NLK: variants seen among roughly 807,000 people sequenced by gnomAD.
The protein encoded by NLK is serine/threonine-protein kinase NLK.
NLK carries 11 observed loss-of-function variants against 59.0 expected under a neutral mutation model. The ratio of observed to expected loss-of-function variants is 0.19; its 90% CI spans 0.12 to 0.31. The LOEUF (loss-of-function observed/expected upper bound fraction) is 0.31. Among genes scored for constraint, NLK ranks in the 10% least tolerant of loss-of-function variants. The pLI, the probability that NLK is intolerant of heterozygous loss-of-function variation, is 1.00. For synonymous variants in NLK, 235 were observed against 235.9 expected, an observed-to-expected ratio of 1.00 and a Z score of 0.03; for missense variants, 410 against 661.1, an observed-to-expected ratio of 0.62 and a Z score of 4.16.
At chr17:28,149,712 T>G (rs1209358416) in intron 3 of NLK, among the ~76,000 whole-genome samples, 2 of 152,216 alleles carry the variant, frequency 1.3e-5, no homozygotes, top group African/African-American at 4.8e-5. Context: ...TGTTGTAATC[T>G]TTGAGTGAAT....
At chr17:28,117,897 T>G (rs1006357261) in intron 1 of NLK, among the ~76,000 whole-genome samples, 1 of 152,174 alleles carries the variant, frequency 6.6e-6, no homozygotes, top group African/African-American at 2.4e-5. Context: ...TCTTCTAAAT[T>G]GTATACAACT....
intron 1 of NLK, among the ~76,000 whole-genome samples, chr17:28,105,403 A>G (rs114575763): frequency 0.01 from 1,588 of 152,266 alleles, 31 homozygotes; most frequent in African/African-American, 0.037. Context: ...CTTAGTTTGT[A>G]TACCAGTTTT....
At chr17:28,165,939 G>A (rs568491286) in intron 5 of NLK, among the ~76,000 whole-genome samples, 4 of 152,300 alleles carry the variant, frequency 2.6e-5, no homozygotes, top group African/African-American at 7.2e-5. Flanking sequence ...TATTTTGGCC[G>A]GGCGCAGTGG....
At position 28,149,300 on chromosome 17, in the gene NLK, G is replaced by A. The variant is rs915024179; in HGVS notation, c.645-11860G>A. On this transcript the variant is annotated intron_variant, in intron 3 of 10. Coordinates refer to ENST00000407008, the MANE Select transcript of NLK (RefSeq NM_016231.5). Reference sequence around the variant, plus strand: ...GCTGGTCTTGAACTTCTGGCCGTAAGCAATCTTCCTGCCTCGGCCTCCCAA... The same window carrying A: ...GCTGGTCTTGAACTTCTGGCCGTAAACAATCTTCCTGCCTCGGCCTCCCAA... Among the ~76,000 whole-genome samples the A allele has an allele frequency of 8.5e-5, 13 of 152,300 alleles. No homozygotes were observed. The South Asian group carries it at 1.5e-3, about 17-fold the overall frequency.
At chr17:28,205,776 T>A in the NLK span, among the ~76,000 whole-genome samples, 3 of 152,182 alleles carry the variant, frequency 2.0e-5, no homozygotes, top group Non-Finnish European at 4.4e-5. Flanking sequence ...TCATGCAGTG[T>A]TTTTCTCTCT....
At chr17:28,181,523 C>T (rs905190863) in intron 7 of NLK, among the ~76,000 whole-genome samples, 1 of 150,320 alleles carries the variant, frequency 6.7e-6, no homozygotes, top group African/African-American at 2.5e-5. Flanking sequence ...GAGCTGTGAT[C>T]GTGCCACTAC....
intron 1 of NLK, among the ~76,000 whole-genome samples, chr17:28,082,252 C>G (rs563294587): frequency 5.2e-4 from 79 of 152,296 alleles, no homozygotes; most frequent in Admixed American, 1.9e-3. Flanking sequence ...AATGTTCCAT[C>G]TGCAACTTAT....
chr17:28,105,045 G>A (rs1200802694), intron 1 of NLK, among the ~76,000 whole-genome samples: 1 of 152,138 alleles, frequency 6.6e-6, no homozygotes. Context: ...CATTATTTAG[G>A]TGGTTTTCTG....
At position 28,042,764 on chromosome 17, in the gene NLK, CAT is replaced by C; in HGVS notation, c.-108_-107del. 1.0e-6 allele frequency: 1 copy of C among 990,768 alleles called. No individual in the cohort carries two copies. The highest frequency in any genetic ancestry group is 2.9e-5 in the Admixed American group (1 of 34,216). The allele number at this position is 990,768 out of a possible 1,614,324, so 61.4% of individuals were successfully genotyped here. ...ACTTGTTTGGATTGACTGATGAAGACATAAAGCTCTATGTTTTTTGAGGTGGA... is the reference window on the plus strand; with the variant it reads ...ACTTGTTTGGATTGACTGATGAAGACAAAGCTCTATGTTTTTTGAGGTGGA... On this transcript the variant is annotated 5_prime_UTR_variant, in exon 1 of 11. It removes the in-frame stop codon of an upstream open reading frame in the 5' UTR. Coordinates refer to ENST00000407008, the MANE Select transcript of NLK (RefSeq NM_016231.5).
intron 1 of NLK, among the ~76,000 whole-genome samples, chr17:28,121,334 T>C (rs190553722): frequency 1.1e-3 from 171 of 149,280 alleles, no homozygotes; most frequent in Non-Finnish European, 1.7e-3. Context: ...CTAAATAAAT[T>C]GGACAGGAAT....
intron 1 of NLK, among the ~76,000 whole-genome samples, chr17:28,121,500 T>TC (rs1409854681): frequency 8.5e-6 from 1 of 118,230 alleles, no homozygotes; most frequent in Non-Finnish European, 1.7e-5. Flanking sequence ...CTTTTCTTTT[T>TC]TTTTTTTTTT....
At chr17:28,185,057 C>T (rs1038307054) in intron 7 of NLK, 122 bp from the exon 8 acceptor site, 1 of 420,102 alleles carries the variant, frequency 2.4e-6, no homozygotes, top group Non-Finnish European at 4.1e-6. Context: ...AACTCATTCT[C>T]CTTGAGTTTA....
chr17:28,120,641 T>C (rs1465724204), intron 1 of NLK, among the ~76,000 whole-genome samples: 1 of 152,086 alleles, frequency 6.6e-6, no homozygotes, highest in African/African-American at 2.4e-5. Flanking sequence ...AGATAATACT[T>C]GTTTTATCAA....
rs35639099 is a variant in NLK at position 28,077,073 on chromosome 17, C to CTTTTTTTTTTTTTTTTTTTTT, written c.458+33747_458+33767dup. ...CTTTGCTTTGTACTTCTCTTTCTTT[C>CTTTTTTTTTTTTTTTTTTTTT]TTTTTTTTTTTTTTTTTTTTTTTTT... On this transcript the variant is annotated intron_variant, in intron 1 of 10. Coordinates refer to ENST00000407008, the MANE Select transcript of NLK (RefSeq NM_016231.5). Among the ~76,000 whole-genome samples, 69 of 42,500 alleles carry CTTTTTTTTTTTTTTTTTTTTT rather than the reference C, an allele frequency of 1.6e-3. 1 individual carries two copies. The highest frequency in any genetic ancestry group is 0.031 in the Middle Eastern group (1 of 32). 27.9% of individuals were successfully genotyped at this position (42,500 alleles called of 152,430 possible). A position where few individuals can be genotyped will look rare whatever the true frequency, so the allele number is the denominator to read the frequency against.
chr17:28,132,747 G>T lies in NLK; in HGVS notation c.644+72G>T, dbSNP rs923992586. The T allele has an allele frequency of 4.0e-5, 49 of 1,237,870 alleles. No homozygotes were observed. In the Middle Eastern group the frequency reaches 1.1e-3, roughly 29 times the overall value. 76.7% of individuals were successfully genotyped at this position (1,237,870 alleles called of 1,614,324 possible). ...AATTTGTTCTTCTAGCACCTTTTGG[G>T]GTTCATGCCTTCAAGTATTTTAAAT... On this transcript the variant is annotated intron_variant, in intron 3 of 10. Coordinates refer to ENST00000407008, the MANE Select transcript of NLK (RefSeq NM_016231.5).
intron 3 of NLK, among the ~76,000 whole-genome samples, chr17:28,137,413 A>C (rs1906801132): frequency 1.3e-5 from 2 of 152,170 alleles, no homozygotes; most frequent in Admixed American, 6.5e-5. Flanking sequence ...AATAATCCTA[A>C]GTAATTATCC....
intron 7 of NLK, among the ~76,000 whole-genome samples, chr17:28,175,680 C>G (rs550003243): frequency 5.3e-5 from 8 of 152,146 alleles, no homozygotes; most frequent in African/African-American, 1.7e-4. Context: ...TAAATTGTTA[C>G]AGTGAGAAAA....
chr17:28,110,583 C>G (rs1484026230), intron 1 of NLK, among the ~76,000 whole-genome samples: 2 of 150,334 alleles, frequency 1.3e-5, no homozygotes, highest in African/African-American at 4.9e-5. Context: ...AATACTTGTT[C>G]TGCCTCTTTC....
At chr17:28,124,655 G>A (rs992878633) in intron 2 of NLK, among the ~76,000 whole-genome samples, 1 of 152,156 alleles carries the variant, frequency 6.6e-6, no homozygotes, top group Admixed American at 6.5e-5. Flanking sequence ...TTGCCTTAGT[G>A]TGTCACCTCA....
Sources: allele counts gnomAD v4.1 joint callset (sites outside exome capture counted in the v4.1 genomes callset), GRCh38; gene constraint gnomAD v4.1.1; transcripts MANE v1.5; gene names NCBI Gene and HGNC (gene_info 2026-07-23, HGNC 2026-07-21).